CNTNAP5: variants seen among roughly 807,000 people sequenced by gnomAD.
The protein encoded by CNTNAP5 is contactin associated protein family member 5.
Under a neutral mutation model 150.2 loss-of-function variants are expected in CNTNAP5, and 72 were observed. The observed-to-expected ratio is 0.48, with a 90% CI of 0.40 to 0.58. The LOEUF is 0.58. CNTNAP5 is among the 20% of genes least tolerant of loss of function. The pLI, the probability that CNTNAP5 is intolerant of heterozygous loss-of-function variation, is 0.00. For missense variants in CNTNAP5, 1,636 were observed against 1,626.2 expected, an observed-to-expected ratio of 1.01 and a Z score of -0.10; for synonymous variants, 672 against 619.8, an observed-to-expected ratio of 1.08 and a Z score of -1.25.
At chr2:124,251,482 T>A (rs4144191) in intron 3 of CNTNAP5, among the ~76,000 whole-genome samples, 11 of 136,636 alleles carry the variant, frequency 8.1e-5, no homozygotes, top group Admixed American at 1.5e-4. Flanking sequence ...TTTTTTTTTT[T>A]ACCTTTTGTA....
chr2:124,117,717 C>G (rs752479147), intron 1 of CNTNAP5, among the ~76,000 whole-genome samples: 3 of 152,202 alleles, frequency 2.0e-5, no homozygotes, highest in Non-Finnish European at 2.9e-5. Context: ...GTTCTGCACT[C>G]AAGCACGAAA....
intron 1 of CNTNAP5, among the ~76,000 whole-genome samples, chr2:124,218,680 T>C (rs1317928443): frequency 6.6e-6 from 1 of 152,124 alleles, no homozygotes; most frequent in Non-Finnish European, 1.5e-5. Flanking sequence ...CAGTAGGGAA[T>C]GGCAGTTATT....
intron 21 of CNTNAP5, among the ~76,000 whole-genome samples, chr2:124,897,201 G>A (rs1020888391): frequency 4.6e-5 from 7 of 151,424 alleles, no homozygotes; most frequent in African/African-American, 1.7e-4. Context: ...AAATATACAT[G>A]TTAGTACATT....
intron 22 of CNTNAP5, among the ~76,000 whole-genome samples, chr2:124,906,600 G>A (rs1286851246): frequency 1.3e-5 from 2 of 152,024 alleles, no homozygotes; most frequent in African/African-American, 4.8e-5. Flanking sequence ...TAATATCTTG[G>A]GAAATATATT....
chr2:124,837,002 G>T (rs1445314625), intron 19 of CNTNAP5, among the ~76,000 whole-genome samples: 1 of 151,958 alleles, frequency 6.6e-6, no homozygotes, highest in African/African-American at 2.4e-5. Flanking sequence ...CAACCCAAGG[G>T]CAAGAGTCAG....
intron 3 of CNTNAP5, among the ~76,000 whole-genome samples, chr2:124,336,373 T>C (rs192024670): frequency 1.3e-5 from 2 of 152,216 alleles, no homozygotes; most frequent in African/African-American, 4.8e-5. Context: ...AAGCAGAGGT[T>C]TTCTTTTTTT....
chr2:124,854,921 C>T (rs1677320209), intron 19 of CNTNAP5, among the ~76,000 whole-genome samples: 1 of 152,054 alleles, frequency 6.6e-6, no homozygotes, highest in African/African-American at 2.4e-5. Context: ...TGAGGAGGAG[C>T]TTGCCAGACA....
chr2:124,585,726 A>T (rs1228536173), intron 11 of CNTNAP5, among the ~76,000 whole-genome samples: 4 of 110,448 alleles, frequency 3.6e-5, no homozygotes, highest in Non-Finnish European at 6.8e-5. Flanking sequence ...TACTTGGGGT[A>T]TTGGTTTCTG....
At chr2:124,850,621 G>A (rs1484265892) in intron 19 of CNTNAP5, among the ~76,000 whole-genome samples, 1 of 152,164 alleles carries the variant, frequency 6.6e-6, no homozygotes, top group Non-Finnish European at 1.5e-5. Flanking sequence ...ATGGTAAATG[G>A]AACCACAGCA....
chr2:124,026,648 T>C (rs528778116), intron 1 of CNTNAP5, among the ~76,000 whole-genome samples: 3 of 152,258 alleles, frequency 2.0e-5, no homozygotes, highest in Non-Finnish European at 4.4e-5. Flanking sequence ...AAGAATGCAA[T>C]TAAGCCATCT....
intron 1 of CNTNAP5, among the ~76,000 whole-genome samples, chr2:124,146,144 G>T (rs1030836627): frequency 3.9e-5 from 6 of 152,088 alleles, no homozygotes; most frequent in African/African-American, 1.2e-4. Context: ...GGTGTTTGAG[G>T]CCAGGAGCTG....
chr2:124,655,430 C>T (rs4487098), intron 13 of CNTNAP5, among the ~76,000 whole-genome samples: 84,073 of 151,786 alleles, frequency 0.55, 23,858 homozygotes, highest in Non-Finnish European at 0.62. Context: ...GTCTTTGTTA[C>T]TGTAAATAGT....
intron 10 of CNTNAP5, among the ~76,000 whole-genome samples, chr2:124,562,223 T>C (rs942755349): frequency 2.0e-5 from 3 of 152,258 alleles, no homozygotes; most frequent in African/African-American, 7.2e-5. Context: ...CAACTATTTT[T>C]GAAGTTTATA....
chr2:124,783,003 C>T (rs1306063441), intron 17 of CNTNAP5, among the ~76,000 whole-genome samples: 1 of 152,104 alleles, frequency 6.6e-6, no homozygotes, highest in Non-Finnish European at 1.5e-5. Context: ...CAATACAATG[C>T]TAGGCAAAAG....
At chr2:124,735,010 A>T (rs2105131274) in intron 13 of CNTNAP5, among the ~76,000 whole-genome samples, 1 of 152,284 alleles carries the variant, frequency 6.6e-6, no homozygotes, top group South Asian at 2.1e-4. Flanking sequence ...GTGTCTGGGA[A>T]GTTTTCAAAA....
At chr2:124,356,457 C>A (rs1304932593) in intron 3 of CNTNAP5, among the ~76,000 whole-genome samples, 1 of 120,822 alleles carries the variant, frequency 8.3e-6, no homozygotes, top group South Asian at 3.4e-4. Flanking sequence ...TCCCTCCCCC[C>A]TCCCCCCACC....
chr2:124,892,433 T>C (rs1678212233), intron 21 of CNTNAP5, among the ~76,000 whole-genome samples: 1 of 152,104 alleles, frequency 6.6e-6, no homozygotes, highest in South Asian at 2.1e-4. Flanking sequence ...TGAAACCAGT[T>C]TGAGCTCCAT....
chr2:124,844,715 A>G (rs1377525951), intron 19 of CNTNAP5, among the ~76,000 whole-genome samples: 2 of 150,970 alleles, frequency 1.3e-5, no homozygotes, highest in Non-Finnish European at 3.0e-5. Flanking sequence ...TGGTTTTTAA[A>G]ATTTTTTTTT....
At chr2:124,403,817 G>A (rs1573969987) in intron 3 of CNTNAP5, among the ~76,000 whole-genome samples, 1 of 152,196 alleles carries the variant, frequency 6.6e-6, no homozygotes, top group East Asian at 1.9e-4. Flanking sequence ...CATGGCTAGG[G>A]AGGCCTCACA....
Sources: gnomAD v4.1 joint callset for allele counts (sites outside exome capture counted in the v4.1 genomes callset) on GRCh38, gnomAD v4.1.1 for gene constraint, MANE v1.5 for transcripts, NCBI Gene and HGNC (gene_info 2026-07-23, HGNC 2026-07-21) for gene names.